The following NEK1 variants were observed in gnomAD, a reference collection of about 807,000 sequenced individuals.
The protein encoded by NEK1 is serine/threonine-protein kinase Nek1.
A neutral mutation model predicts 182.1 loss-of-function variants in NEK1; 137 were observed. That is an observed-to-expected ratio of 0.75 (90% CI 0.65 to 0.87). The LOEUF is 0.87. Ranked by LOEUF, NEK1 falls within the 40% of genes least tolerant of loss-of-function variation. The probability of loss-of-function intolerance (pLI) is 0.00; values close to 1 mark genes in which losing one functional copy is unlikely to be tolerated. For missense variants in NEK1, 1,391 were observed against 1,494.4 expected (o/e 0.93, Z 1.14); for synonymous variants, 513 against 492.2 (o/e 1.04, Z -0.56).
At chr4:169,597,928 C>T (rs187668549) in intron 5 of NEK1, among the ~76,000 whole-genome samples, 63 of 151,174 alleles carry the variant, frequency 4.2e-4, no homozygotes, top group Admixed American at 2.3e-3. Context: ...AGTGAGACTC[C>T]GTCTCAAAAA....
In NEK1 at chr4:169,438,137, C is replaced by T. The variant is rs372273748; in HGVS notation, c.2710G>A (p.Glu904Lys). 1.2e-5 allele frequency: 20 copies of T among 1,611,686 alleles called. No homozygotes were observed. In the African/African-American group the frequency reaches 1.5e-4, roughly 12 times the overall value. The part of the protein sequence containing the change: ...VDSPVETKSP[E>K]FSEASPQMSL... ...ATCTGTGGAGATGCCTCACTGAACTCGGGACTTTTTGTCTCAACAGGAGAA... is the reference window on the plus strand; with the variant it reads ...ATCTGTGGAGATGCCTCACTGAACTTGGGACTTTTTGTCTCAACAGGAGAA... Residue 904 changes from glutamate to lysine, a missense_variant, in exon 28 of 36, where the codon GAG becomes AAG. By Grantham distance (56) the Glu-to-Lys change is moderately conservative. This residue lies in a region of NEK1 where 1,216 missense variants were observed against 1,277.6 expected (regional missense o/e 0.95). Transcript: ENST00000507142.
intron 19 of NEK1, among the ~76,000 whole-genome samples, chr4:169,533,443 C>G (rs1428518071): frequency 6.6e-6 from 1 of 152,122 alleles, no homozygotes; most frequent in Non-Finnish European, 1.5e-5. Context: ...TTGAGGAGTA[C>G]CAACACTATG....
At position 169,468,761 on chromosome 4, in the gene NEK1, T is replaced by G. The variant is rs149135612; in HGVS notation, c.2435-5366A>C. On this transcript the variant is annotated intron_variant, in intron 26 of 35. Coordinates refer to ENST00000507142, the MANE Select transcript of NEK1 (RefSeq NM_001199397.3). ...TGTCTGGTCCTGGGCTTTTTTTGGTTGGTAGGCTATTAATTACTGCCTGAA... is the reference window on the plus strand; with the variant it reads ...TGTCTGGTCCTGGGCTTTTTTTGGTGGGTAGGCTATTAATTACTGCCTGAA... Among the ~76,000 whole-genome samples the G allele has an allele frequency of 7.2e-5, 11 of 152,298 alleles. No homozygotes were observed. The East Asian group carries it at 1.9e-3, about 27-fold the overall frequency.
At chr4:169,425,086 G>A (rs886088423) in intron 30 of NEK1, among the ~76,000 whole-genome samples, 1 of 152,104 alleles carries the variant, frequency 6.6e-6, no homozygotes, top group African/African-American at 2.4e-5. Context: ...TGTAATCCCA[G>A]CCCCTCAGGA....
At chr4:169,561,414 T>C in intron 16 of NEK1, 66 bp downstream of exon 16, 2 of 1,380,584 alleles carry the variant, frequency 1.4e-6, no homozygotes, top group Non-Finnish European at 2.1e-6. Context: ...GTACATGCAT[T>C]TTATAGAACA....
At position 169,563,053 on chromosome 4, in the gene NEK1, G is replaced by A. The variant is rs544949874; in HGVS notation, c.1021-857C>T. Among the ~76,000 whole-genome samples, 6 of 151,828 alleles carry A rather than the reference G, an allele frequency of 4.0e-5. No individual in the cohort carries two copies. The South Asian group carries it at 1.3e-3, about 32-fold the overall frequency. ...AATTATCTTATACTTTACTCATTAG[G>A]TCTATTCTAAAGTATTTGGGGGCGG... On this transcript the variant is annotated intron_variant, in intron 12 of 35. Coordinates refer to ENST00000507142, the MANE Select transcript of NEK1 (RefSeq NM_001199397.3).
intron 32 of NEK1, among the ~76,000 whole-genome samples, chr4:169,403,289 T>C (rs923511481): frequency 4.6e-5 from 7 of 151,558 alleles, no homozygotes; most frequent in Non-Finnish European, 8.8e-5. Context: ...TAATTTAGGC[T>C]GGGTACAGTG....
intron 19 of NEK1, among the ~76,000 whole-genome samples, chr4:169,515,173 T>G (rs1383418495): frequency 6.6e-6 from 1 of 152,208 alleles, no homozygotes; most frequent in East Asian, 1.9e-4. Flanking sequence ...TTAATTCCAC[T>G]GTTCTCTATA....
intron 23 of NEK1, among the ~76,000 whole-genome samples, chr4:169,494,533 T>C (rs1348844716): frequency 6.6e-6 from 1 of 152,196 alleles, no homozygotes; most frequent in Non-Finnish European, 1.5e-5. Context: ...GTCTTTGCTA[T>C]TGTGAATAGT....
At chr4:169,407,054 T>C (rs960185833) in intron 31 of NEK1, among the ~76,000 whole-genome samples, 1 of 152,186 alleles carries the variant, frequency 6.6e-6, no homozygotes, top group African/African-American at 2.4e-5. Flanking sequence ...AATTCCCTGA[T>C]ACCACCTTTG....
At chr4:169,466,724 G>T (rs535680388) in intron 26 of NEK1, among the ~76,000 whole-genome samples, 103 of 152,064 alleles carry the variant, frequency 6.8e-4, no homozygotes, top group African/African-American at 2.1e-3. Context: ...TCAGGCAGAA[G>T]AAAAATGATA....
chr4:169,451,519 C>T (rs1417504607), intron 27 of NEK1, among the ~76,000 whole-genome samples: 2 of 152,174 alleles, frequency 1.3e-5, no homozygotes, highest in African/African-American at 4.8e-5. Context: ...AACTGAACAA[C>T]TTGCTCCTGA....
At chr4:169,571,027 G>C (rs1468776205) in intron 12 of NEK1, among the ~76,000 whole-genome samples, 1 of 151,606 alleles carries the variant, frequency 6.6e-6, no homozygotes, top group African/African-American at 2.4e-5. Flanking sequence ...AAGTACCCAG[G>C]GACACAAACA....
At chr4:169,453,193 C>T (rs1289282861) in intron 27 of NEK1, among the ~76,000 whole-genome samples, 2 of 152,210 alleles carry the variant, frequency 1.3e-5, no homozygotes, top group South Asian at 2.1e-4. Context: ...ATATTCCATG[C>T]TCATGGATAG....
At chr4:169,548,104 T>C (rs1760823135) in intron 18 of NEK1, among the ~76,000 whole-genome samples, 1 of 152,230 alleles carries the variant, frequency 6.6e-6, no homozygotes, top group Non-Finnish European at 1.5e-5. Flanking sequence ...CCCATCTTTG[T>C]GGATTTATCC....
intron 12 of NEK1, among the ~76,000 whole-genome samples, chr4:169,567,921 T>G (rs968154895): frequency 3.3e-5 from 5 of 152,180 alleles, no homozygotes; most frequent in Admixed American, 1.3e-4. Context: ...ATCTGAAAAT[T>G]CCAAAGCATG....
In NEK1 at chr4:169,422,367, G is replaced by A. The variant is rs2111306011; in HGVS notation, c.3222+2186C>T. 3.3e-5 allele frequency among the ~76,000 whole-genome samples: 5 copies of A among 152,290 alleles called. No individual in the cohort carries two copies. The Middle Eastern group carries it at 0.017, about 518-fold the overall frequency. On this transcript the variant is annotated intron_variant, in intron 31 of 35. Transcript: ENST00000507142. The stretch of plus-strand genomic sequence containing the variant: ...TGATGAGATTTATTAGAACATATAT[G>A]TTGAGTAAATGATCCACTATAGAAA...
intron 31 of NEK1, among the ~76,000 whole-genome samples, chr4:169,415,831 A>C (rs1424932926): frequency 6.6e-6 from 1 of 152,176 alleles, no homozygotes; most frequent in Non-Finnish European, 1.5e-5. Flanking sequence ...GTTTCTGCAA[A>C]AAGAGCCCTT....
Position 169,424,893 on chromosome 4 carries a change from AG to A in NEK1, c.2975-94del, listed in dbSNP as rs934701613. ...AGGCACAGTATGTAACACAAATTCT[AG>A]CAAAAAACCCACATATCAGGAAAAT... On this transcript the variant is annotated intron_variant, in intron 30 of 35. Coordinates refer to ENST00000507142, the MANE Select transcript of NEK1 (RefSeq NM_001199397.3). 5 of 1,313,098 alleles carry A rather than the reference AG, an allele frequency of 3.8e-6. No homozygotes were observed. In the African/African-American group the frequency reaches 7.3e-5, roughly 19 times the overall value. 81.3% of individuals were successfully genotyped at this position (1,313,098 alleles called of 1,614,324 possible). A position where few individuals can be genotyped will look rare whatever the true frequency, so the allele number is the denominator to read the frequency against.
Sources: allele counts gnomAD v4.1 joint callset (sites outside exome capture counted in the v4.1 genomes callset), GRCh38; gene constraint gnomAD v4.1.1; regional missense constraint gnomAD v4.1.1; transcripts MANE v1.5; gene names NCBI Gene and HGNC (gene_info 2026-07-23, HGNC 2026-07-21).